SLC30A6: variants seen among roughly 807,000 people sequenced by gnomAD.
SLC30A6 encodes the protein zinc transporter 6.
A neutral mutation model predicts 63.0 loss-of-function variants in SLC30A6; 55 were observed. The observed-to-expected ratio is 0.87, with a 90% CI of 0.70 to 1.09. The LOEUF (loss-of-function observed/expected upper bound fraction) is 1.09. SLC30A6 is among the 50% of genes least tolerant of loss of function. The probability of loss-of-function intolerance (pLI) is 0.00; values close to 1 mark genes in which losing one functional copy is unlikely to be tolerated. For missense variants in SLC30A6, 587 were observed against 549.2 expected (o/e 1.07, Z -0.69); for synonymous variants, 224 against 186.1 (o/e 1.20, Z -1.66).
At position 32,220,228 on chromosome 2, in the gene SLC30A6, G is replaced by T; in HGVS notation, c.901G>T (p.Val301Leu). The T allele has an allele frequency of 6.2e-7, 1 of 1,613,860 alleles. No homozygotes were observed. Among genetic ancestry groups the T allele is most frequent in the Non-Finnish European group, 8.5e-7 (1 of 1,179,740 alleles). Residue 301 changes from valine (V) to leucine (L), a missense_variant, in exon 14 of 14, where the codon GTA (valine) becomes TTA (leucine). By Grantham distance (32) the Val-to-Leu change is conservative. Coordinates refer to ENST00000282587, the MANE Select transcript of SLC30A6 (RefSeq NM_017964.5). ...CCCCTTTTAGGCTGGATCAGTGCAT[G>T]TAAGAATTCGACGAGATGCCAATGA... ...GFGSLAGSVH[V>L]RIRRDANEQM...
intron 10 of SLC30A6, chr2:32,203,947 T>G: frequency 1.3e-6 from 1 of 783,956 alleles, no homozygotes; most frequent in Admixed American, 2.1e-5. Context: ...TGGTAGAAGA[T>G]GAAGAGGGAA....
chr2:32,194,068 C>A, intron 8 of SLC30A6, 85 bp downstream of exon 8: 1 of 1,077,520 alleles, frequency 9.3e-7, no homozygotes, highest in Non-Finnish European at 1.4e-6. Flanking sequence ...TCACTCAGAT[C>A]AATGAAGAAG....
intron 5 of SLC30A6, among the ~76,000 whole-genome samples, chr2:32,191,954 G>A (rs184811179): frequency 3.3e-5 from 5 of 152,120 alleles, no homozygotes; most frequent in Admixed American, 6.5e-5. Context: ...GGTGTCTAAC[G>A]CACAGTGGGT....
At chr2:32,218,280 C>A (rs1198701163) in intron 13 of SLC30A6, among the ~76,000 whole-genome samples, 1 of 151,936 alleles carries the variant, frequency 6.6e-6, no homozygotes, top group African/African-American at 2.4e-5. Context: ...AAAACAAAAC[C>A]AAAAAAACCC....
At chr2:32,183,848 ATGT>A (rs1682572863) in intron 4 of SLC30A6, among the ~76,000 whole-genome samples, 1 of 152,176 alleles carries the variant, frequency 6.6e-6, no homozygotes, top group African/African-American at 2.4e-5. Flanking sequence ...CTCACTCAAA[ATGT>A]TGTCAAGGTA....
At chr2:32,166,614 G>A (rs1373783346) in intron 1 of SLC30A6, among the ~76,000 whole-genome samples, 1 of 152,208 alleles carries the variant, frequency 6.6e-6, no homozygotes, top group Non-Finnish European at 1.5e-5. Context: ...GCAGTTGGTT[G>A]GGATTTGAAG....
At chr2:32,210,985 T>C (rs773318247) in intron 13 of SLC30A6, among the ~76,000 whole-genome samples, 1 of 152,186 alleles carries the variant, frequency 6.6e-6, no homozygotes, top group African/African-American at 2.4e-5. Context: ...GAGTTACCTA[T>C]GGGGCACTCC....
intron 5 of SLC30A6, among the ~76,000 whole-genome samples, chr2:32,189,891 G>A (rs1226610497): frequency 1.3e-5 from 2 of 151,906 alleles, no homozygotes; most frequent in Admixed American, 6.6e-5. Context: ...TGGAGCCACC[G>A]TGCCCAGCTG....
intron 5 of SLC30A6, chr2:32,187,330 A>G (rs1032317710): frequency 1.4e-5 from 6 of 440,044 alleles, no homozygotes; most frequent in Non-Finnish European, 1.8e-5. Context: ...TAGCTAGAGT[A>G]TTTCTGGAAA....
chr2:32,180,139 T>G (rs984909498), intron 4 of SLC30A6, among the ~76,000 whole-genome samples: 4 of 151,944 alleles, frequency 2.6e-5, no homozygotes, highest in African/African-American at 9.7e-5. Context: ...CAGTGGCTCA[T>G]GCCTGTAATC....
chr2:32,200,654 A>G (rs534369064), intron 10 of SLC30A6, among the ~76,000 whole-genome samples: 64 of 151,420 alleles, frequency 4.2e-4, no homozygotes, highest in African/African-American at 1.5e-3. Flanking sequence ...GCTTGAAGGC[A>G]GCATGCTCGT....
At chr2:32,212,720 C>T (rs1008211116) in intron 13 of SLC30A6, among the ~76,000 whole-genome samples, 3 of 150,876 alleles carry the variant, frequency 2.0e-5, no homozygotes, top group African/African-American at 4.9e-5. Flanking sequence ...CCTCAGCCTC[C>T]CCAGTAGCTG....
rs1267476230 is a variant in SLC30A6 at position 32,223,525 on chromosome 2, G to T, written c.*2812G>T. Reference sequence around the variant, plus strand: ...TCTGTAAAATAATCAGCTTCAAAACGTTATGGCTAAATCTGTAGAATGTAT... The same window carrying T: ...TCTGTAAAATAATCAGCTTCAAAACTTTATGGCTAAATCTGTAGAATGTAT... On this transcript the variant is annotated 3_prime_UTR_variant, in exon 14 of 14. Coordinates refer to ENST00000282587, the MANE Select transcript of SLC30A6 (RefSeq NM_017964.5). The T allele has an allele frequency of 2.0e-5, 3 of 152,200 alleles. No homozygotes were observed. Among genetic ancestry groups the T allele is most frequent in the African/African-American group, 2.4e-5 (1 of 41,450 alleles). The allele number at this position is 152,200 out of a possible 1,614,324, so 9.4% of individuals were successfully genotyped here. A position where few individuals can be genotyped will look rare whatever the true frequency, so the allele number is the denominator to read the frequency against.
chr2:32,184,813 TA>T (rs1259046356), intron 5 of SLC30A6, among the ~76,000 whole-genome samples: 1 of 152,170 alleles, frequency 6.6e-6, no homozygotes, highest in Non-Finnish European at 1.5e-5. Flanking sequence ...ATTTAAGGTA[TA>T]AATCATATTA....
intron 10 of SLC30A6, among the ~76,000 whole-genome samples, 174 bp downstream of exon 10, chr2:32,198,000 C>G (rs924015268): frequency 6.6e-6 from 1 of 151,972 alleles, no homozygotes; most frequent in Non-Finnish European, 1.5e-5. Flanking sequence ...GGATTGGGTT[C>G]AATAAGTATT....
At chr2:32,179,117 C>T (rs1190979777) in intron 4 of SLC30A6, among the ~76,000 whole-genome samples, 1 of 152,190 alleles carries the variant, frequency 6.6e-6, no homozygotes, top group Non-Finnish European at 1.5e-5. Flanking sequence ...GCCTTTCCCT[C>T]CCAAAGCGTT....
chr2:32,201,509 G>T, intron 10 of SLC30A6: 1 of 554,210 alleles, frequency 1.8e-6, no homozygotes, highest in Non-Finnish European at 3.1e-6. Context: ...CCACGGCTGA[G>T]TGGCTGCCCT....
chr2:32,183,418 C>T (rs1322310066), intron 4 of SLC30A6, among the ~76,000 whole-genome samples: 1 of 151,722 alleles, frequency 6.6e-6, no homozygotes, highest in East Asian at 1.9e-4. Context: ...CGGTGGCTCA[C>T]GCCTGTAATC....
At chr2:32,207,668 C>T (rs2148890385) in intron 12 of SLC30A6, among the ~76,000 whole-genome samples, 1 of 145,810 alleles carries the variant, frequency 6.9e-6, no homozygotes, top group South Asian at 2.2e-4. Flanking sequence ...TCCACAGCGC[C>T]TGGCCCGCCC....
Sources: gnomAD v4.1 joint callset for allele counts (sites outside exome capture counted in the v4.1 genomes callset) on GRCh38, gnomAD v4.1.1 for gene constraint, MANE v1.5 for transcripts, NCBI Gene and HGNC (gene_info 2026-07-23, HGNC 2026-07-21) for gene names.